Variants in RAP1GDS1 observed in about 807,000 individuals in gnomAD.
RAP1GDS1 encodes Rap1 GTPase-GDP dissociation stimulator 1, also known as RAP1, GTP-GDP dissociation stimulator 1.
A neutral mutation model predicts 71.1 loss-of-function variants in RAP1GDS1; 35 were observed. The observed-to-expected ratio is 0.49, with a 90% CI of 0.38 to 0.65. RAP1GDS1 has a LOEUF of 0.65. RAP1GDS1 is among the 30% of genes least tolerant of loss of function. RAP1GDS1 has a pLI of 0.00. For missense variants in RAP1GDS1, 663 were observed against 706.1 expected, an observed-to-expected ratio of 0.94 and a Z score of 0.69; for synonymous variants, 229 against 243.1, an observed-to-expected ratio of 0.94 and a Z score of 0.54.
chr4:98,362,203 C>T (rs1738840044), intron 4 of RAP1GDS1, among the ~76,000 whole-genome samples: 1 of 152,130 alleles, frequency 6.6e-6, no homozygotes, highest in African/African-American at 2.4e-5. Context: ...GTAGGGTCTG[C>T]ATGTGGTGGC....
intron 5 of RAP1GDS1, chr4:98,387,402 G>GAA (rs1389986763): frequency 2.9e-5 from 13 of 455,374 alleles, no homozygotes; most frequent in African/African-American, 6.0e-5. Context: ...ACTCAGGGGG[G>GAA]AAAAGGTTCC....
chr4:98,399,907 C>T (rs1040896812), intron 6 of RAP1GDS1, among the ~76,000 whole-genome samples: 1 of 152,242 alleles, frequency 6.6e-6, no homozygotes, highest in East Asian at 1.9e-4. Context: ...GTAATCCCAA[C>T]ACTTTGGGAG....
intron 1 of RAP1GDS1, among the ~76,000 whole-genome samples, chr4:98,280,483 A>G (rs1241524484): frequency 3.3e-5 from 5 of 151,810 alleles, no homozygotes; most frequent in African/African-American, 1.2e-4. Flanking sequence ...AAATTTGTTT[A>G]AGTTCTTTGT....
At chr4:98,343,042 G>A (rs770915710) in intron 2 of RAP1GDS1, 97 bp from the exon 3 acceptor site, 2 of 1,297,108 alleles carry the variant, frequency 1.5e-6, no homozygotes, top group Non-Finnish European at 2.1e-6. Flanking sequence ...TTTCTATTAT[G>A]GGTGGGAAAA....
intron 12 of RAP1GDS1, among the ~76,000 whole-genome samples, chr4:98,431,633 C>A (rs1048444747): frequency 1.3e-5 from 2 of 152,180 alleles, no homozygotes; most frequent in Non-Finnish European, 2.9e-5. Flanking sequence ...TATTTATTGT[C>A]TGAACTTGGG....
chr4:98,317,250 G>A (rs531170719), intron 2 of RAP1GDS1, among the ~76,000 whole-genome samples: 8 of 152,126 alleles, frequency 5.3e-5, no homozygotes, highest in Non-Finnish European at 1.2e-4. Flanking sequence ...CCAGATTGTA[G>A]GATTTTTATA....
chr4:98,345,564 T>TAAGC (rs10644444), intron 3 of RAP1GDS1, among the ~76,000 whole-genome samples: 21,465 of 152,070 alleles, frequency 0.14, 2,191 homozygotes, highest in African/African-American at 0.28. Flanking sequence ...AAAGGACAAA[T>TAAGC]AAGATATGAC....
chr4:98,379,770 AG>A (rs1741714828), intron 5 of RAP1GDS1, among the ~76,000 whole-genome samples: 1 of 151,916 alleles, frequency 6.6e-6, no homozygotes, highest in East Asian at 1.9e-4. Flanking sequence ...TGTGATATTA[AG>A]GCTTCACAAT....
At chr4:98,274,845 C>T (rs1186410720) in intron 1 of RAP1GDS1, among the ~76,000 whole-genome samples, 1 of 152,096 alleles carries the variant, frequency 6.6e-6, no homozygotes, top group South Asian at 2.1e-4. Flanking sequence ...GTTAGTATTG[C>T]TCCCAGTGTC....
In RAP1GDS1 at chr4:98,404,454, A is replaced by C. The variant is rs1043956126; in HGVS notation, c.638-23A>C. ...CAGTTTCTGGACTTTATTTGGTTTA[A>C]GTTTTTCTTTTTTATTTTACAGAGT... is the stretch of plus-strand genomic sequence containing the variant. On this transcript the variant is annotated intron_variant, in intron 6 of 14. Coordinates refer to ENST00000408927, the MANE Select transcript of RAP1GDS1 (RefSeq NM_001100427.2). The C allele has an allele frequency of 5.1e-6, 8 of 1,558,970 alleles. No homozygotes were observed. In the African/African-American group the frequency reaches 9.8e-5, roughly 19 times the overall value.
At chr4:98,441,167 C>T (rs1006868783) in intron 14 of RAP1GDS1, among the ~76,000 whole-genome samples, 1 of 152,144 alleles carries the variant, frequency 6.6e-6, no homozygotes, top group South Asian at 2.1e-4. Flanking sequence ...TCTATTACTA[C>T]TAAAAACACT....
At chr4:98,282,783 T>C (rs768212905) in intron 1 of RAP1GDS1, among the ~76,000 whole-genome samples, 1 of 152,198 alleles carries the variant, frequency 6.6e-6, no homozygotes, top group Non-Finnish European at 1.5e-5. Context: ...CTCTACACAC[T>C]GCTTTAAATG....
chr4:98,355,364 A>G lies in RAP1GDS1; in HGVS notation c.361+2763A>G, dbSNP rs541355588. Among the ~76,000 whole-genome samples the G allele has an allele frequency of 1.1e-3, 172 of 152,340 alleles. 1 individual carries two copies. In the South Asian group the frequency reaches 0.018, roughly 16 times the overall value. Reference sequence around the variant, plus strand: ...TATTTGTGTTTTATCTAACTTACCTATGGGGCTAATCAGTTGATTTCCATT... The same window carrying G: ...TATTTGTGTTTTATCTAACTTACCTGTGGGGCTAATCAGTTGATTTCCATT... On this transcript the variant is annotated intron_variant, in intron 4 of 14. Transcript: ENST00000408927.
chr4:98,379,628 A>G (rs1370044338), intron 5 of RAP1GDS1: 1 of 151,936 alleles, frequency 6.6e-6, no homozygotes, highest in African/African-American at 2.4e-5. Flanking sequence ...AACTGTAGAG[A>G]TCTCATTTTA....
chr4:98,366,718 A>G (rs1294220083), intron 4 of RAP1GDS1, among the ~76,000 whole-genome samples: 1 of 152,190 alleles, frequency 6.6e-6, no homozygotes, highest in African/African-American at 2.4e-5. Context: ...GATTCTTGTT[A>G]TGTTTTAGCA....
At chr4:98,263,713 G>T (rs926128818) in intron 1 of RAP1GDS1, among the ~76,000 whole-genome samples, 3 of 152,168 alleles carry the variant, frequency 2.0e-5, no homozygotes, top group African/African-American at 7.2e-5. Context: ...TTGGCAAATT[G>T]TTGAACTTAA....
chr4:98,369,266 T>A lies in RAP1GDS1; in HGVS notation c.362-9751T>A, dbSNP rs74288958. Among the ~76,000 whole-genome samples the A allele has an allele frequency of 5.5e-4, 84 of 152,292 alleles. 1 individual carries two copies. The East Asian group carries it at 0.014, about 26-fold the overall frequency. On this transcript the variant is annotated intron_variant, in intron 4 of 14. Transcript: ENST00000408927. ...TGGGTGGGGACACAGCCAGACCATA[T>A]CATACAGTATATGAAAACTTCTTAA...
intron 1 of RAP1GDS1, among the ~76,000 whole-genome samples, chr4:98,274,602 A>G (rs1377926298): frequency 6.6e-6 from 1 of 152,182 alleles, no homozygotes; most frequent in Non-Finnish European, 1.5e-5. Flanking sequence ...CAGTTGCAAC[A>G]CATCTTAACG....
chr4:98,421,125 C>A, intron 11 of RAP1GDS1, 130 bp from the exon 12 acceptor site: 1 of 996,432 alleles, frequency 1.0e-6, no homozygotes, highest in Admixed American at 3.0e-5. Context: ...GGAATATTTG[C>A]AGTTCTAGCT....
Sources: gnomAD v4.1 joint callset for allele counts (sites outside exome capture counted in the v4.1 genomes callset) on GRCh38, gnomAD v4.1.1 for gene constraint, MANE v1.5 for transcripts, NCBI Gene and HGNC (gene_info 2026-07-23, HGNC 2026-07-21) for gene names.